OSBPL9: variants seen among roughly 807,000 people sequenced by gnomAD.
OSBPL9 encodes oxysterol-binding protein-related protein 9.
Under a neutral mutation model 106.6 loss-of-function variants are expected in OSBPL9, and 40 were observed. That is an observed-to-expected ratio of 0.38 (90% CI 0.29 to 0.49). The LOEUF (loss-of-function observed/expected upper bound fraction) is 0.49, where lower values mean the gene tolerates loss of function less well. Among genes scored for constraint, OSBPL9 ranks in the 20% least tolerant of loss-of-function variants. OSBPL9 has a pLI of 0.97. For synonymous variants in OSBPL9, 269 were observed against 295.4 expected, an observed-to-expected ratio of 0.91 and a Z score of 0.92; for missense variants, 609 against 887.2, an observed-to-expected ratio of 0.69 and a Z score of 3.98.
chr1:51,765,761 C>T, intron 11 of OSBPL9, 61 bp from the exon 12 acceptor site: 1 of 1,430,116 alleles, frequency 7.0e-7, no homozygotes. Flanking sequence ...GCTTTGACTC[C>T]ATCTCCCTAG....
intron 1 of OSBPL9, among the ~76,000 whole-genome samples, chr1:51,586,318 A>T (rs1645247287): frequency 6.6e-6 from 1 of 152,066 alleles, no homozygotes; most frequent in South Asian, 2.1e-4. Context: ...TTTTATGCAC[A>T]AATATATTTT....
chr1:51,691,713 C>A (rs1399506382), intron 3 of OSBPL9, among the ~76,000 whole-genome samples: 1 of 151,688 alleles, frequency 6.6e-6, no homozygotes, highest in Non-Finnish European at 1.5e-5. Flanking sequence ...TTCTTTATAT[C>A]CTTATTCTCT....
intron 3 of OSBPL9, among the ~76,000 whole-genome samples, chr1:51,675,372 T>A (rs7411247): frequency 0.22 from 32,293 of 149,670 alleles, 3,991 homozygotes; most frequent in African/African-American, 0.34. Flanking sequence ...TTAATTAATT[T>A]ATTTATTTAT....
At chr1:51,596,049 G>A (rs1645297704) in intron 1 of OSBPL9, among the ~76,000 whole-genome samples, 2 of 152,040 alleles carry the variant, frequency 1.3e-5, no homozygotes, top group Non-Finnish European at 2.9e-5. Flanking sequence ...CTGAGGCCAG[G>A]AGTTTGAGAT....
At chr1:51,776,988 G>T (rs1252744267) in intron 15 of OSBPL9, 70 bp downstream of exon 15, 4 of 1,202,152 alleles carry the variant, frequency 3.3e-6, no homozygotes, top group Non-Finnish European at 3.7e-6. Flanking sequence ...CTTTTATTTT[G>T]CAGGATAGAT....
chr1:51,629,245 G>C (rs1644959715), intron 1 of OSBPL9, among the ~76,000 whole-genome samples: 1 of 151,974 alleles, frequency 6.6e-6, no homozygotes, highest in African/African-American at 2.4e-5. Context: ...GCTTTATTTT[G>C]TTTCTCTTGC....
At chr1:51,662,669 A>G (rs1647311028) in intron 2 of OSBPL9, among the ~76,000 whole-genome samples, 1 of 152,122 alleles carries the variant, frequency 6.6e-6, no homozygotes, top group Admixed American at 6.5e-5. Flanking sequence ...GAATCTATAG[A>G]TATAACTATT....
At chr1:51,746,443 T>G (rs1390795028) in intron 5 of OSBPL9, among the ~76,000 whole-genome samples, 1 of 152,226 alleles carries the variant, frequency 6.6e-6, no homozygotes, top group Non-Finnish European at 1.5e-5. Context: ...TTTGAATTCA[T>G]AGTTTAATTT....
chr1:51,533,650 A>G, the OSBPL9 span, among the ~76,000 whole-genome samples: 1 of 152,114 alleles, frequency 6.6e-6, no homozygotes, highest in East Asian at 1.9e-4. Flanking sequence ...AAATGGAGCA[A>G]ATGCAGCACA....
intron 21 of OSBPL9, 90 bp from the exon 22 acceptor site, chr1:51,786,436 G>T (rs992106693): frequency 6.2e-6 from 5 of 802,082 alleles, no homozygotes; most frequent in Non-Finnish European, 1.0e-5. Context: ...TGGACCTAGA[G>T]AATTTGAAGT....
chr1:51,622,538 A>G (rs1644506074), intron 1 of OSBPL9, among the ~76,000 whole-genome samples: 1 of 152,186 alleles, frequency 6.6e-6, no homozygotes, highest in Non-Finnish European at 1.5e-5. Context: ...TGTAGTCAAT[A>G]TATTAGCCAG....
chr1:51,692,308 G>C (rs79338364), intron 3 of OSBPL9, among the ~76,000 whole-genome samples: 1 of 152,152 alleles, frequency 6.6e-6, no homozygotes, highest in Non-Finnish European at 1.5e-5. Flanking sequence ...GTAAGACCTC[G>C]TCTGAAATAA....
intron 2 of OSBPL9, among the ~76,000 whole-genome samples, chr1:51,606,682 A>G (rs775776352): frequency 2.6e-5 from 4 of 152,232 alleles, no homozygotes; most frequent in Non-Finnish European, 5.9e-5. Flanking sequence ...GTACTTTTTT[A>G]AAATATATTT....
intron 2 of OSBPL9, among the ~76,000 whole-genome samples, chr1:51,656,887 A>T (rs544053697): frequency 1.3e-5 from 2 of 151,994 alleles, no homozygotes; most frequent in East Asian, 3.9e-4. Context: ...AGTCTTGCTA[A>T]CTCAGTCTCC....
the OSBPL9 span, chr1:51,565,574 A>G: frequency 6.6e-6 from 1 of 152,200 alleles, no homozygotes; most frequent in African/African-American, 2.4e-5. Flanking sequence ...TAACCTTCAC[A>G]CGTAAGTATT....
chr1:51,711,518 C>T (rs1659908495), intron 3 of OSBPL9, among the ~76,000 whole-genome samples: 1 of 137,364 alleles, frequency 7.3e-6, no homozygotes, highest in South Asian at 2.3e-4. Flanking sequence ...GGGGCTGACC[C>T]CCCACCTCCC....
intron 2 of OSBPL9, among the ~76,000 whole-genome samples, chr1:51,655,836 G>A (rs745467363): frequency 1.8e-4 from 28 of 152,150 alleles, no homozygotes; most frequent in Admixed American, 3.9e-4. Flanking sequence ...ATTTTGTGAC[G>A]ATTAGGTCCT....
chr1:51,525,605 C>T, the OSBPL9 span, among the ~76,000 whole-genome samples: 2 of 152,124 alleles, frequency 1.3e-5, no homozygotes, highest in African/African-American at 2.4e-5. Context: ...TCTGTCGGCT[C>T]GATCTCCAAT....
At chr1:51,782,432 T>C in intron 16 of OSBPL9, 127 bp from the exon 17 acceptor site, 1 of 639,248 alleles carries the variant, frequency 1.6e-6, no homozygotes, top group Non-Finnish European at 2.6e-6. Context: ...AGTTAAGTTC[T>C]ACAATAGAAA....
Sources: gnomAD v4.1 joint callset for allele counts (sites outside exome capture counted in the v4.1 genomes callset) on GRCh38, gnomAD v4.1.1 for gene constraint, MANE v1.5 for transcripts, NCBI Gene and HGNC (gene_info 2026-07-23, HGNC 2026-07-21) for gene names.